The following DLG1 variants were observed in gnomAD, a reference collection of about 807,000 sequenced individuals.
DLG1 encodes the protein discs large MAGUK scaffold protein 1.
A neutral mutation model predicts 123.4 loss-of-function variants in DLG1; 42 were observed. The observed-to-expected ratio is 0.34, with a 90% CI of 0.27 to 0.44. The LOEUF (loss-of-function observed/expected upper bound fraction) is 0.44. DLG1 is among the 20% of genes least tolerant of loss of function. The probability of loss-of-function intolerance (pLI) is 1.00; values close to 1 mark genes in which losing one functional copy is unlikely to be tolerated. For missense variants in DLG1, 942 were observed against 1,082.6 expected (o/e 0.87, Z 1.82); for synonymous variants, 317 against 356.2 (o/e 0.89, Z 1.24).
At chr3:197,202,021 T>C (rs969692851) in intron 4 of DLG1, among the ~76,000 whole-genome samples, 7 of 152,020 alleles carry the variant, frequency 4.6e-5, no homozygotes, top group East Asian at 3.9e-4. Flanking sequence ...GGGTGGATGA[T>C]AGGAGGCTGT....
intron 11 of DLG1, among the ~76,000 whole-genome samples, chr3:197,127,546 C>A (rs1276253848): frequency 7.6e-6 from 1 of 131,056 alleles, no homozygotes; most frequent in East Asian, 2.2e-4. Context: ...ATTTAATCAA[C>A]TGCAACACAA....
chr3:197,265,534 G>A (rs145457239), intron 4 of DLG1, among the ~76,000 whole-genome samples: 191 of 152,262 alleles, frequency 1.3e-3, no homozygotes, highest in African/African-American at 4.2e-3. Context: ...GAGAGAGCGG[G>A]ACAGAAAAAG....
At chr3:197,217,907 G>T (rs928600707) in intron 4 of DLG1, among the ~76,000 whole-genome samples, 1 of 152,084 alleles carries the variant, frequency 6.6e-6, no homozygotes, top group South Asian at 2.1e-4. Context: ...ACTTAAAGAC[G>T]CTGTACTTTT....
At chr3:197,142,260 T>C (rs944767972) in intron 7 of DLG1, among the ~76,000 whole-genome samples, 3 of 152,078 alleles carry the variant, frequency 2.0e-5, no homozygotes, top group Non-Finnish European at 2.9e-5. Flanking sequence ...TCTGAGAAAC[T>C]ATCACAATCT....
At chr3:197,221,377 G>A (rs759132668) in intron 4 of DLG1, among the ~76,000 whole-genome samples, 37 of 152,114 alleles carry the variant, frequency 2.4e-4, no homozygotes, top group African/African-American at 7.5e-4. Flanking sequence ...AAAATGAGCC[G>A]AGTGTGGTGG....
intron 20 of DLG1, 61 bp from the exon 21 acceptor site, chr3:197,065,870 T>C: frequency 8.8e-7 from 1 of 1,133,700 alleles, no homozygotes; most frequent in Non-Finnish European, 1.3e-6. Context: ...ATGTATTTTA[T>C]TTCACCAGCG....
intron 5 of DLG1, among the ~76,000 whole-genome samples, chr3:197,159,706 C>T (rs1798011842): frequency 6.6e-6 from 1 of 152,110 alleles, no homozygotes; most frequent in South Asian, 2.1e-4. Context: ...TAGGAACACA[C>T]TTATTCTGGA....
At chr3:197,221,641 T>C (rs905742828) in intron 4 of DLG1, among the ~76,000 whole-genome samples, 8 of 152,216 alleles carry the variant, frequency 5.3e-5, no homozygotes, top group African/African-American at 1.7e-4. Context: ...AGAGCCTCAG[T>C]TGCACTTTTC....
chr3:197,063,287 T>C (rs1471048532), intron 22 of DLG1, among the ~76,000 whole-genome samples: 1 of 152,130 alleles, frequency 6.6e-6, no homozygotes, highest in Non-Finnish European at 1.5e-5. Context: ...TTATTTTTGA[T>C]TTTTTTAAAT....
intron 11 of DLG1, among the ~76,000 whole-genome samples, chr3:197,121,712 A>G (rs1298810100): frequency 6.6e-6 from 1 of 151,746 alleles, no homozygotes; most frequent in Non-Finnish European, 1.5e-5. Context: ...TATTCTTGCT[A>G]AAAATATTTT....
Position 197,081,076 on chromosome 3 carries a change from A to T in DLG1, c.1880T>A (p.Phe627Tyr). ...CCCTTTATCTCTCGTTTTAGAATTG[A>T]ATTTCACTGTTTTTAATCGGGCTCG... is the stretch of plus-strand genomic sequence containing the variant. ...KERARLKTVK[F>Y]NSKTRDKGQS... The change falls in exon 17 of 25, where the codon TTC (phenylalanine) becomes TAC (tyrosine). Residue 627 changes from phenylalanine (F) to tyrosine (Y), a missense_variant. By Grantham distance (22) the Phe-to-Tyr change is conservative. Transcript: ENST00000667157. 1 of 1,613,426 alleles carries T rather than the reference A, an allele frequency of 6.2e-7. No homozygotes were observed. Among genetic ancestry groups the T allele is most frequent in the Non-Finnish European group, 8.5e-7 (1 of 1,179,608 alleles).
intron 3 of DLG1, 125 bp downstream of exon 3, chr3:197,296,221 G>T (rs977746850): frequency 1.1e-6 from 1 of 919,990 alleles, no homozygotes; most frequent in Non-Finnish European, 1.6e-6. Flanking sequence ...ACAACTCACT[G>T]AAGATGTTCA....
intron 4 of DLG1, among the ~76,000 whole-genome samples, chr3:197,278,516 ACT>A (rs1481616759): frequency 1.3e-5 from 2 of 151,798 alleles, no homozygotes; most frequent in Admixed American, 1.3e-4. Flanking sequence ...AATCCCTATC[ACT>A]CTGAAACAAT....
chr3:197,166,404 A>T (rs537918289), intron 5 of DLG1, among the ~76,000 whole-genome samples: 1 of 152,346 alleles, frequency 6.6e-6, no homozygotes, highest in East Asian at 1.9e-4. Flanking sequence ...TTACACTAAA[A>T]TTGGAGGTAT....
At chr3:197,208,417 T>C (rs1729698621) in intron 4 of DLG1, among the ~76,000 whole-genome samples, 1 of 146,802 alleles carries the variant, frequency 6.8e-6, no homozygotes, top group African/African-American at 2.4e-5. Flanking sequence ...ATTTATCCTA[T>C]AGAAATATTG....
intron 5 of DLG1, among the ~76,000 whole-genome samples, chr3:197,176,759 A>G (rs1412022251): frequency 6.6e-6 from 1 of 152,110 alleles, no homozygotes; most frequent in Non-Finnish European, 1.5e-5. Flanking sequence ...CAGCTGTTAT[A>G]AACATCTCTG....
At chr3:197,047,738 C>T (rs924707812) in intron 24 of DLG1, among the ~76,000 whole-genome samples, 2 of 151,730 alleles carry the variant, frequency 1.3e-5, no homozygotes, top group South Asian at 4.2e-4. Flanking sequence ...TGCAAGAGAA[C>T]GAAACTAAAC....
At chr3:197,285,844 C>T (rs183551918) in intron 3 of DLG1, among the ~76,000 whole-genome samples, 157 of 152,326 alleles carry the variant, frequency 1.0e-3, no homozygotes, top group African/African-American at 3.8e-3. Context: ...CATACTCATA[C>T]TATATATGCT....
intron 5 of DLG1, among the ~76,000 whole-genome samples, chr3:197,156,402 T>C (rs1431113807): frequency 6.6e-6 from 1 of 152,110 alleles, no homozygotes; most frequent in African/African-American, 2.4e-5. Context: ...ACAAAAAAGC[T>C]ACAAGGCATA....
Sources: gnomAD v4.1 joint callset for allele counts (sites outside exome capture counted in the v4.1 genomes callset) on GRCh38, gnomAD v4.1.1 for gene constraint, MANE v1.5 for transcripts, NCBI Gene and HGNC (gene_info 2026-07-23, HGNC 2026-07-21) for gene names.